The following WNT2 variants were observed in gnomAD, a reference collection of about 807,000 sequenced individuals.
WNT2 encodes the protein Wnt family member 2.
A neutral mutation model predicts 36.9 loss-of-function variants in WNT2; 12 were observed. That is an observed-to-expected ratio of 0.33 (90% CI 0.21 to 0.53). The LOEUF is 0.53. Ranked by LOEUF, WNT2 falls within the 20% of genes least tolerant of loss-of-function variation. The pLI, the probability that WNT2 is intolerant of heterozygous loss-of-function variation, is 0.95. For synonymous variants in WNT2, 163 were observed against 174.6 expected, an observed-to-expected ratio of 0.93 and a Z score of 0.52; for missense variants, 379 against 473.1, an observed-to-expected ratio of 0.80 and a Z score of 1.84.
At chr7:117,315,381 C>A in intron 2 of WNT2, 33 bp from the exon 3 acceptor site, 1 of 1,589,008 alleles carries the variant, frequency 6.3e-7, no homozygotes. Flanking sequence ...AAAAGTGGTC[C>A]GGTAGCACTA....
chr7:117,281,542 AG>A (rs1403870866), intron 4 of WNT2, among the ~76,000 whole-genome samples: 1 of 152,112 alleles, frequency 6.6e-6, no homozygotes, highest in African/African-American at 2.4e-5. Context: ...CCTGGCCTAA[AG>A]GGTCTTTATG....
intron 2 of WNT2, 200 bp downstream of exon 2, chr7:117,320,367 T>G (rs1795300003): frequency 1.7e-6 from 1 of 595,904 alleles, no homozygotes; most frequent in African/African-American, 1.9e-5. Context: ...TTCTTCCTTT[T>G]GATTCACCTC....
chr7:117,300,320 G>C (rs1392120521), intron 3 of WNT2, among the ~76,000 whole-genome samples: 4 of 152,276 alleles, frequency 2.6e-5, no homozygotes, highest in Admixed American at 2.6e-4. Flanking sequence ...CCGAATAGCT[G>C]GGACTACAGG....
chr7:117,294,692 CT>C (rs1794755192), intron 4 of WNT2, among the ~76,000 whole-genome samples: 1 of 151,814 alleles, frequency 6.6e-6, no homozygotes, highest in African/African-American at 2.4e-5. Flanking sequence ...TAAAATTTGT[CT>C]AAGACAGAAG....
At chr7:117,309,826 G>A (rs1389192321) in intron 3 of WNT2, among the ~76,000 whole-genome samples, 1 of 152,080 alleles carries the variant, frequency 6.6e-6, no homozygotes, top group East Asian at 1.9e-4. Context: ...ATCAACAGTT[G>A]CCATATGCTG....
At chr7:117,283,275 C>T (rs1431687748) in intron 4 of WNT2, among the ~76,000 whole-genome samples, 5 of 152,220 alleles carry the variant, frequency 3.3e-5, no homozygotes, top group Non-Finnish European at 5.9e-5. Flanking sequence ...AGTGCTCTCA[C>T]TTGGTATCCC....
At chr7:117,304,012 G>A (rs530370677) in intron 3 of WNT2, among the ~76,000 whole-genome samples, 158 of 152,284 alleles carry the variant, frequency 1.0e-3, no homozygotes, top group African/African-American at 3.5e-3. Context: ...GCCTGGACAC[G>A]CTGTATCCTA....
intron 3 of WNT2, among the ~76,000 whole-genome samples, chr7:117,306,991 G>A (rs1363362845): frequency 6.6e-6 from 1 of 151,464 alleles, no homozygotes; most frequent in Non-Finnish European, 1.5e-5. Context: ...TATTTATTTT[G>A]AGCATTTTAA....
intron 3 of WNT2, among the ~76,000 whole-genome samples, chr7:117,313,132 C>G (rs1450848905): frequency 6.6e-6 from 1 of 152,170 alleles, no homozygotes; most frequent in Non-Finnish European, 1.5e-5. Flanking sequence ...TCAAACAAGC[C>G]CAGGCTGTTC....
chr7:117,308,056 G>C (rs1460198837), intron 3 of WNT2, among the ~76,000 whole-genome samples: 1 of 152,166 alleles, frequency 6.6e-6, no homozygotes, highest in Admixed American at 6.5e-5. Flanking sequence ...ATTTTCACCT[G>C]CTGGCTTGAA....
At chr7:117,295,129 CGAGATGAGATGAGACGAGACAAGAT>C (rs1242050631) in intron 4 of WNT2, among the ~76,000 whole-genome samples, 161 of 148,954 alleles carry the variant, frequency 1.1e-3, no homozygotes, top group African/African-American at 3.7e-3. Context: ...CGAGACGAGA[CGAGATGAGATGAGACGAGACAAGAT>C]GAGATGAGAC....
rs1010426747 is a variant in WNT2, at chr7:117,276,537, A to T, written c.*1618T>A. 3 of 152,236 alleles carry T rather than the reference A, an allele frequency of 2.0e-5. No individual in the cohort carries two copies. The highest frequency in any genetic ancestry group is 4.8e-5 in the African/African-American group (2 of 41,456). The allele number at this position is 152,236 out of a possible 1,614,324, so 9.4% of individuals were successfully genotyped here. On this transcript the variant is annotated 3_prime_UTR_variant, in exon 5 of 5. Transcript: ENST00000265441. ...TTTAAGAGGGCTGGAGGCAAATGTT[A>T]ACTATGGCAAAGTACTCCAGTAGGT...
chr7:117,311,696 C>T (rs1795125138), intron 3 of WNT2, among the ~76,000 whole-genome samples: 1 of 152,158 alleles, frequency 6.6e-6, no homozygotes, highest in African/African-American at 2.4e-5. Context: ...GCTGGATGGA[C>T]TTCTGCCTAG....
intron 4 of WNT2, among the ~76,000 whole-genome samples, chr7:117,295,835 G>T (rs1221390085): frequency 1.3e-5 from 2 of 152,132 alleles, no homozygotes; most frequent in Non-Finnish European, 2.9e-5. Flanking sequence ...GATATCTAGG[G>T]TTGCTTATCT....
At chr7:117,312,112 C>T (rs747186396) in intron 3 of WNT2, among the ~76,000 whole-genome samples, 1 of 152,132 alleles carries the variant, frequency 6.6e-6, no homozygotes. Flanking sequence ...GTGATTATTT[C>T]ATTATTTCAT....
chr7:117,310,582 CAAA>C (rs774296887), intron 3 of WNT2, among the ~76,000 whole-genome samples: 2 of 55,040 alleles, frequency 3.6e-5, no homozygotes, highest in Non-Finnish European at 6.8e-5. Context: ...GACCCTGTCT[CAAA>C]AAAAAAAAAA....
chr7:117,303,422 A>T (rs1251289466), intron 3 of WNT2, among the ~76,000 whole-genome samples: 2 of 152,192 alleles, frequency 1.3e-5, no homozygotes, highest in East Asian at 3.9e-4. Flanking sequence ...GAGGGAATGA[A>T]AGATGGGTGG....
intron 3 of WNT2, among the ~76,000 whole-genome samples, chr7:117,298,261 A>G (rs535302854): frequency 2.6e-5 from 4 of 152,250 alleles, no homozygotes; most frequent in African/African-American, 9.6e-5. Context: ...AGTTTAAAAT[A>G]AAATAATATA....
rs139441149 is a variant in WNT2 at position 117,285,424 on chromosome 7, A to C, written c.854-7040T>G. ...CTCTAGGCAGAACCTTCTGGTTCAGAGAAGCCAATAGCATCAATTTGTATC... is the reference window on the plus strand; with the variant it reads ...CTCTAGGCAGAACCTTCTGGTTCAGCGAAGCCAATAGCATCAATTTGTATC... On this transcript the variant is annotated intron_variant, in intron 4 of 4. Transcript: ENST00000265441. 2.7e-3 allele frequency among the ~76,000 whole-genome samples: 412 copies of C among 152,362 alleles called. 3 individuals carry two copies. The highest frequency in any genetic ancestry group is 9.2e-3 in the African/African-American group (384 of 41,584).
Sources: gnomAD v4.1 joint callset for allele counts (sites outside exome capture counted in the v4.1 genomes callset) on GRCh38, gnomAD v4.1.1 for gene constraint, MANE v1.5 for transcripts, NCBI Gene and HGNC (gene_info 2026-07-23, HGNC 2026-07-21) for gene names.